CEP162: variants seen among roughly 807,000 people sequenced by gnomAD.
CEP162 encodes centrosomal protein 162.
In CEP162, 141 loss-of-function variants were observed where a neutral mutation model predicts 169.2. That is an observed-to-expected ratio of 0.83 (90% CI 0.73 to 0.96). The LOEUF (loss-of-function observed/expected upper bound fraction) is 0.96. Among genes scored for constraint, CEP162 ranks in the 40% least tolerant of loss-of-function variants. CEP162 has a pLI of 0.00. For synonymous variants in CEP162, 540 were observed against 526.4 expected (o/e 1.03, Z -0.35); for missense variants, 1,600 against 1,587.2 (o/e 1.01, Z -0.14).
Position 84,161,791 on chromosome 6 carries a change from A to G in CEP162, c.2631T>C (p.Leu877=). 6.2e-7 allele frequency: 1 copy of G among 1,601,710 alleles called. No individual in the cohort carries two copies. The stretch of plus-strand genomic sequence containing the variant: ...TTTCCTCATTTGCTTCTCTAAGCCG[A>G]AGTGCATCTTTATCCAGAAGTTCCT... ...ENQELLDKDA[L]RLREANEEIE... is the part of the protein sequence containing the mutation. Residue 877 remains leucine, a synonymous_variant, in exon 20 of 27, where the codon CTT becomes CTC. Transcript: ENST00000403245.
At position 84,149,582 on chromosome 6, in the gene CEP162, G is replaced by A. The variant is rs781364195; in HGVS notation, c.3751C>T (p.Arg1251Cys). 5.0e-6 allele frequency: 8 copies of A among 1,593,846 alleles called. No homozygotes were observed. The highest frequency in any genetic ancestry group is 2.3e-5 in the South Asian group (2 of 87,512). ...NSSSKVAELN[R>C]KIATQEVLIR... is the part of the protein sequence containing the mutation. ...TCTACCTCTTGAGTTGCTATTTTAC[G>A]ATTTAGTTCAGCTACTTTGGAAGAA... Residue 1251 changes from arginine (R) to cysteine (C), a missense_variant, in exon 24 of 27, where the codon CGT becomes TGT. Arg to Cys is a radical substitution (Grantham distance 180). Coordinates refer to ENST00000403245, the MANE Select transcript of CEP162 (RefSeq NM_014895.4).
At chr6:84,177,066 G>T (rs1429142355) in intron 13 of CEP162, among the ~76,000 whole-genome samples, 2 of 151,940 alleles carry the variant, frequency 1.3e-5, no homozygotes, top group African/African-American at 4.8e-5. Flanking sequence ...CATCTTAGAA[G>T]TACAAAAGGT....
chr6:84,204,137 T>C (rs1485190188), intron 6 of CEP162, 41 bp from the exon 7 acceptor site: 1 of 1,240,436 alleles, frequency 8.1e-7, no homozygotes, highest in Non-Finnish European at 1.1e-6. Flanking sequence ...ACCACATTGT[T>C]AAAAAAGTCA....
rs2099525490 is a variant in CEP162 at position 84,160,931 on chromosome 6, A to C, written c.2677-15T>G. On this transcript the variant is annotated splice_polypyrimidine_tract_variant and intron_variant, in intron 20 of 26. Coordinates refer to ENST00000403245, the MANE Select transcript of CEP162 (RefSeq NM_014895.4). Reference sequence around the variant, plus strand: ...AGTTTCTCAATCTGTCAATAAATAAATAACATGTTAAGAAGCATATGTAAA... The same window carrying C: ...AGTTTCTCAATCTGTCAATAAATAACTAACATGTTAAGAAGCATATGTAAA... The C allele has an allele frequency of 4.0e-6, 6 of 1,517,974 alleles. No homozygotes were observed. Among genetic ancestry groups the C allele is most frequent in the Non-Finnish European group, 4.6e-6 (5 of 1,094,756 alleles). The allele number at this position is 1,517,974 out of a possible 1,614,324, so 94.0% of individuals were successfully genotyped here. A position where few individuals can be genotyped will look rare whatever the true frequency, so the allele number is the denominator to read the frequency against.
chr6:84,133,671 G>A (rs554603037), intron 25 of CEP162, among the ~76,000 whole-genome samples: 18 of 152,318 alleles, frequency 1.2e-4, no homozygotes, highest in African/African-American at 3.6e-4. Flanking sequence ...AGCCATGCGC[G>A]GGATATAATG....
rs547817720 is a variant in CEP162, at chr6:84,219,518, A to C, written c.172+1539T>G. Among the ~76,000 whole-genome samples the C allele has an allele frequency of 1.8e-3, 271 of 152,312 alleles. 1 individual carries two copies. The highest frequency in any genetic ancestry group is 5.7e-3 in the African/African-American group (237 of 41,562). ...TTCTAGACAAAAGGCTTTGTGTCCC[A>C]AATCTTTGTCAACAATTCCAACAGT... is the stretch of plus-strand genomic sequence containing the variant. On this transcript the variant is annotated intron_variant, in intron 3 of 26. Transcript: ENST00000403245.
intron 1 of CEP162, among the ~76,000 whole-genome samples, chr6:84,227,146 C>T (rs1411792885): frequency 6.6e-6 from 1 of 152,178 alleles, no homozygotes; most frequent in Non-Finnish European, 1.5e-5. Context: ...CCCTAGACAC[C>T]TAATGAACCC....
intron 6 of CEP162, among the ~76,000 whole-genome samples, chr6:84,211,321 G>A (rs1288996090): frequency 6.6e-6 from 1 of 151,686 alleles, no homozygotes; most frequent in African/African-American, 2.4e-5. Flanking sequence ...GAGGTCAGGA[G>A]ATCAAGACCA....
intron 11 of CEP162, among the ~76,000 whole-genome samples, chr6:84,190,528 G>A (rs184852589): frequency 6.6e-6 from 1 of 152,208 alleles, no homozygotes; most frequent in Admixed American, 6.5e-5. Context: ...GCAAAGATCT[G>A]CAGCTTCACT....
intron 5 of CEP162, 131 bp from the exon 6 acceptor site, chr6:84,213,155 A>C: frequency 2.0e-6 from 1 of 510,444 alleles, no homozygotes; most frequent in Non-Finnish European, 3.3e-6. Context: ...GTTCTATCAA[A>C]AGCTAAAAAT....
intron 8 of CEP162, 85 bp from the exon 9 acceptor site, chr6:84,200,990 C>A (rs1005855077): frequency 7.1e-6 from 6 of 840,208 alleles, no homozygotes; most frequent in South Asian, 1.6e-5. Context: ...TAAACATATG[C>A]AATGCAGGCC....
At chr6:84,178,931 A>G (rs1419562164) in intron 13 of CEP162, among the ~76,000 whole-genome samples, 1 of 151,996 alleles carries the variant, frequency 6.6e-6, no homozygotes, top group Non-Finnish European at 1.5e-5. Flanking sequence ...TGTCCTTGCG[A>G]TAGTTTGCTG....
intron 5 of CEP162, among the ~76,000 whole-genome samples, chr6:84,214,114 TA>T (rs1430329752): frequency 4.6e-5 from 7 of 151,932 alleles, no homozygotes; most frequent in African/African-American, 1.7e-4. Context: ...CCTTCTCTAC[TA>T]AAAAATACAA....
intron 20 of CEP162, 144 bp from the exon 21 acceptor site, chr6:84,161,060 TC>T: frequency 1.6e-6 from 1 of 628,126 alleles, no homozygotes; most frequent in Non-Finnish European, 2.8e-6. Flanking sequence ...TTCTTTGAGC[TC>T]CTCCCAAGTT....
At chr6:84,215,515 CATTG>C in intron 4 of CEP162, 50 bp from the exon 5 acceptor site, 1 of 1,380,820 alleles carries the variant, frequency 7.2e-7, no homozygotes, top group Admixed American at 2.9e-5. Flanking sequence ...ATTTTGAAAA[CATTG>C]ATTTGAATGA....
chr6:84,126,628 T>C (rs1694839064), intron 25 of CEP162, 116 bp from the exon 26 acceptor site: 13 of 657,182 alleles, frequency 2.0e-5, no homozygotes, highest in Middle Eastern at 4.4e-4. Flanking sequence ...GCACCTTGGA[T>C]TGTTAGAGTA....
chr6:84,183,487 A>G (rs972239515), intron 13 of CEP162, among the ~76,000 whole-genome samples: 106 of 152,086 alleles, frequency 7.0e-4, no homozygotes, highest in African/African-American at 2.5e-3. Flanking sequence ...CCCTCATCTA[A>G]TCACCTACTA....
intron 25 of CEP162, among the ~76,000 whole-genome samples, chr6:84,131,457 T>C (rs2497147): frequency 0.24 from 36,950 of 152,042 alleles, 9,900 homozygotes; most frequent in African/African-American, 0.67. Context: ...GTTAAAGTCT[T>C]CCATTATTAT....
chr6:84,190,700 A>G (rs1468421677), intron 11 of CEP162, among the ~76,000 whole-genome samples: 1 of 152,104 alleles, frequency 6.6e-6, no homozygotes, highest in Non-Finnish European at 1.5e-5. Flanking sequence ...ACATCTGAAC[A>G]TCAGAAGGGA....
Sources: allele counts gnomAD v4.1 joint callset (sites outside exome capture counted in the v4.1 genomes callset), GRCh38; gene constraint gnomAD v4.1.1; transcripts MANE v1.5; gene names NCBI Gene and HGNC (gene_info 2026-07-23, HGNC 2026-07-21).